The following DNAAF11 variants were observed in gnomAD, a reference collection of about 807,000 sequenced individuals.
DNAAF11 encodes leucine rich repeat containing 6.
DNAAF11 carries 45 observed loss-of-function variants against 60.8 expected under a neutral mutation model. The ratio of observed to expected loss-of-function variants is 0.74; its 90% CI spans 0.58 to 0.95. The LOEUF is 0.95. DNAAF11 is among the 40% of genes least tolerant of loss of function. DNAAF11 has a pLI of 0.00. For missense variants in DNAAF11, 546 were observed against 546.2 expected (o/e 1.00, Z 0.00); for synonymous variants, 191 against 183.5 (o/e 1.04, Z -0.33).
At chr8:132,666,680 G>A (rs554860192) in intron 1 of DNAAF11, among the ~76,000 whole-genome samples, 1 of 152,314 alleles carries the variant, frequency 6.6e-6, no homozygotes, top group African/African-American at 2.4e-5. Context: ...AAACAGCACA[G>A]TGCAAAGGCC....
chr8:132,638,404 T>A (rs1011144170), intron 3 of DNAAF11, among the ~76,000 whole-genome samples: 7 of 152,148 alleles, frequency 4.6e-5, no homozygotes, highest in Non-Finnish European at 8.8e-5. Flanking sequence ...GGTCACTATC[T>A]GGCATGAAAA....
In DNAAF11 at chr8:132,625,383, T is replaced by C; in HGVS notation, c.725A>G (p.Asn242Ser). Residue 242 changes from asparagine (N) to serine (S), a missense_variant, in exon 6 of 12, where the codon AAC becomes AGC. By Grantham distance (46) the Asn-to-Ser change is conservative (BLOSUM62 1). Coordinates refer to ENST00000620350, the MANE Select transcript of DNAAF11 (RefSeq NM_012472.6). ...TEEHNTKKLDNSEDDLEFWNK... is the reference protein window; with the variant it reads ...TEEHNTKKLDSSEDDLEFWNK... The stretch of plus-strand genomic sequence containing the variant: ...CCAGAATTCCAAGTCATCTTCACTG[T>C]TGTCTAATTTCTTTGTGTTGTGTTC... 1 of 1,613,666 alleles carries C rather than the reference T, an allele frequency of 6.2e-7. No individual in the cohort carries two copies. Among genetic ancestry groups the C allele is most frequent in the Non-Finnish European group, 8.5e-7 (1 of 1,179,704 alleles).
intron 10 of DNAAF11, among the ~76,000 whole-genome samples, chr8:132,596,810 G>C (rs1817060037): frequency 6.6e-6 from 1 of 152,204 alleles, no homozygotes; most frequent in Non-Finnish European, 1.5e-5. Flanking sequence ...CCCCCTGTAA[G>C]GATCCAGAGT....
chr8:132,606,514 A>T (rs1318843443), intron 10 of DNAAF11, among the ~76,000 whole-genome samples: 1 of 152,176 alleles, frequency 6.6e-6, no homozygotes. Context: ...TTGCTCTGTC[A>T]TCAAGGCTGG....
chr8:132,613,000 G>C (rs574525345), intron 8 of DNAAF11, among the ~76,000 whole-genome samples: 1 of 152,290 alleles, frequency 6.6e-6, no homozygotes, highest in Non-Finnish European at 1.5e-5. Context: ...ACCAGACATA[G>C]GGCCTAAAAA....
intron 1 of DNAAF11, among the ~76,000 whole-genome samples, chr8:132,672,850 C>T (rs1374573944): frequency 6.6e-6 from 1 of 152,168 alleles, no homozygotes; most frequent in South Asian, 2.1e-4. Flanking sequence ...TCCTGACTGA[C>T]GGGATGTGAC....
At chr8:132,686,295 C>T in the DNAAF11 span, among the ~76,000 whole-genome samples, 1 of 151,920 alleles carries the variant, frequency 6.6e-6, no homozygotes, top group South Asian at 2.1e-4. Context: ...GCTCAAAGAA[C>T]AGAAAAAGGA....
the DNAAF11 span, among the ~76,000 whole-genome samples, chr8:132,685,551 T>C: frequency 3.9e-5 from 6 of 152,336 alleles, no homozygotes; most frequent in South Asian, 1.2e-3. Context: ...CAGTCAACCC[T>C]TCTCACGTTG....
At chr8:132,609,735 C>A (rs756641835) in intron 10 of DNAAF11, among the ~76,000 whole-genome samples, 17 of 152,224 alleles carry the variant, frequency 1.1e-4, no homozygotes, top group Non-Finnish European at 1.3e-4. Context: ...TCAGAAAGAT[C>A]CTGACCCAAT....
chr8:132,605,449 T>C (rs542220589), intron 10 of DNAAF11, among the ~76,000 whole-genome samples: 1 of 152,304 alleles, frequency 6.6e-6, no homozygotes, highest in Non-Finnish European at 1.5e-5. Context: ...GGGAGACGCA[T>C]GTTCTAAATA....
At chr8:132,592,664 A>G (rs1277947995) in intron 10 of DNAAF11, among the ~76,000 whole-genome samples, 1 of 152,224 alleles carries the variant, frequency 6.6e-6, no homozygotes, top group African/African-American at 2.4e-5. Context: ...AGCAAAGTAT[A>G]TATTGAAATA....
intron 10 of DNAAF11, among the ~76,000 whole-genome samples, chr8:132,591,843 ATTAT>A (rs1816499437): frequency 6.6e-6 from 1 of 152,144 alleles, no homozygotes; most frequent in African/African-American, 2.4e-5. Context: ...TAATGAAATA[ATTAT>A]TTAATTATTG....
At chr8:132,655,841 A>G (rs1055908913) in intron 3 of DNAAF11, among the ~76,000 whole-genome samples, 1 of 152,234 alleles carries the variant, frequency 6.6e-6, no homozygotes, top group Non-Finnish European at 1.5e-5. Context: ...TATCTTAAAA[A>G]ATATTGTTTA....
intron 1 of DNAAF11, among the ~76,000 whole-genome samples, chr8:132,663,467 T>C (rs1241074643): frequency 6.6e-6 from 1 of 152,228 alleles, no homozygotes; most frequent in Non-Finnish European, 1.5e-5. Context: ...AGAATTCTCT[T>C]AGCAAGGATG....
At chr8:132,598,885 C>A (rs1234008701) in intron 10 of DNAAF11, among the ~76,000 whole-genome samples, 1 of 152,116 alleles carries the variant, frequency 6.6e-6, no homozygotes, top group Non-Finnish European at 1.5e-5. Context: ...AGAGCAAATG[C>A]ATTCAAAAGC....
chr8:132,691,435 C>T, the DNAAF11 span, among the ~76,000 whole-genome samples: 1 of 152,096 alleles, frequency 6.6e-6, no homozygotes, highest in East Asian at 1.9e-4. Flanking sequence ...GTCCTAGAAT[C>T]AGTTATTCTC....
At chr8:132,656,977 C>A in intron 2 of DNAAF11, 70 bp from the exon 3 acceptor site, 1 of 555,390 alleles carries the variant, frequency 1.8e-6, no homozygotes, top group South Asian at 2.2e-5. Flanking sequence ...TAATCTATTA[C>A]TAAAATAATA....
At chr8:132,573,421 G>A (rs145388500) in intron 11 of DNAAF11, among the ~76,000 whole-genome samples, 119 of 152,252 alleles carry the variant, frequency 7.8e-4, no homozygotes, top group Non-Finnish European at 1.5e-3. Flanking sequence ...TGTAGTGCTT[G>A]AACACAGAAT....
rs554806605 is a variant in DNAAF11, at chr8:132,596,906, C to T, written c.1141-13127G>A. Among the ~76,000 whole-genome samples, 473 of 152,224 alleles carry T rather than the reference C, an allele frequency of 3.1e-3. 2 individuals are homozygous for T. The highest frequency in any genetic ancestry group is 0.011 in the African/African-American group (454 of 41,554). ...GGGACAGCTGTGCAGGGAATTGCCA[C>T]AGTCTATGGCTTCTCCCAGTTGTCT... On this transcript the variant is annotated intron_variant, in intron 10 of 11. Transcript: ENST00000620350.
Sources: gnomAD v4.1 joint callset for allele counts (sites outside exome capture counted in the v4.1 genomes callset) on GRCh38, gnomAD v4.1.1 for gene constraint, MANE v1.5 for transcripts, NCBI Gene and HGNC (gene_info 2026-07-23, HGNC 2026-07-21) for gene names.